The following ADARB2 variants were observed in gnomAD, a reference collection of about 807,000 sequenced individuals.
ADARB2 encodes the protein adenosine deaminase RNA specific B2 (inactive).
ADARB2 carries 25 observed loss-of-function variants against 62.2 expected under a neutral mutation model. The observed-to-expected ratio is 0.40, with a 90% CI of 0.29 to 0.56. ADARB2 has a LOEUF of 0.56. ADARB2 is among the 20% of genes least tolerant of loss of function. The pLI, the probability that ADARB2 is intolerant of heterozygous loss-of-function variation, is 0.43. For synonymous variants in ADARB2, 572 were observed against 500.8 expected (o/e 1.14, Z -1.90); for missense variants, 1,071 against 1,077.4 (o/e 0.99, Z 0.08).
rs1022081752 is a variant in ADARB2 at position 1,676,302 on chromosome 10, G to C, written c.100+60749C>G. 3.3e-5 allele frequency among the ~76,000 whole-genome samples: 5 copies of C among 151,972 alleles called. No homozygotes were observed. In the South Asian group the frequency reaches 6.3e-4, roughly 19 times the overall value. ...CTCACAGACCCAAGGGCCTCTAGACGCCCCCACCCAGAACTGCTGAGTGAA... is the reference window on the plus strand; with the variant it reads ...CTCACAGACCCAAGGGCCTCTAGACCCCCCCACCCAGAACTGCTGAGTGAA... On this transcript the variant is annotated intron_variant, in intron 1 of 9. Transcript: ENST00000381312.
intron 1 of ADARB2, among the ~76,000 whole-genome samples, chr10:1,406,870 TG>T (rs1184466522): frequency 2.0e-5 from 3 of 152,004 alleles, no homozygotes; most frequent in Non-Finnish European, 2.9e-5. Context: ...AGATGATGAA[TG>T]GGGGGAGTGG....
intron 1 of ADARB2, among the ~76,000 whole-genome samples, chr10:1,570,444 ACGGG>A (rs1358831888): frequency 5.3e-5 from 4 of 75,554 alleles, no homozygotes; most frequent in Non-Finnish European, 1.2e-4. Flanking sequence ...GGGAAGCAGG[ACGGG>A]CAGGCACCAT....
chr10:1,450,956 A>C (rs1165532306), intron 1 of ADARB2, among the ~76,000 whole-genome samples: 10 of 152,176 alleles, frequency 6.6e-5, no homozygotes, highest in Admixed American at 6.5e-4. Context: ...GCTGTCAGGG[A>C]GCTCCTGCGA....
chr10:1,252,506 A>G (rs1027353726), intron 4 of ADARB2, among the ~76,000 whole-genome samples: 2 of 152,134 alleles, frequency 1.3e-5, no homozygotes, highest in Non-Finnish European at 2.9e-5. Context: ...ATTTCAGTCC[A>G]CTTCCCAGAC....
intron 1 of ADARB2, among the ~76,000 whole-genome samples, chr10:1,645,519 T>C (rs1185849367): frequency 6.6e-6 from 1 of 152,208 alleles, no homozygotes; most frequent in Non-Finnish European, 1.5e-5. Flanking sequence ...AGAAGCAGCA[T>C]CCACTTAAAG....
chr10:1,302,440 G>A (rs1319593608), intron 3 of ADARB2, among the ~76,000 whole-genome samples: 4 of 152,314 alleles, frequency 2.6e-5, no homozygotes, highest in Middle Eastern at 3.4e-3. Context: ...AGGCGGCAGC[G>A]AGCCTGGGGG....
chr10:1,469,002 T>C (rs188605688), intron 1 of ADARB2, among the ~76,000 whole-genome samples: 4 of 152,334 alleles, frequency 2.6e-5, no homozygotes, highest in African/African-American at 9.6e-5. Flanking sequence ...GGTCCCCTGA[T>C]TGCTACCACG....
chr10:1,714,430 T>C (rs1373539632), intron 1 of ADARB2, among the ~76,000 whole-genome samples: 1 of 152,256 alleles, frequency 6.6e-6, no homozygotes, highest in East Asian at 1.9e-4. Flanking sequence ...CATGAAGCCT[T>C]TACTTCATTG....
chr10:1,598,626 C>T (rs1833367450), intron 1 of ADARB2, among the ~76,000 whole-genome samples: 1 of 152,170 alleles, frequency 6.6e-6, no homozygotes. Flanking sequence ...AAGATCCTGA[C>T]AGCAAGCCCC....
At chr10:1,320,046 C>A (rs114503969) in intron 3 of ADARB2, among the ~76,000 whole-genome samples, 2 of 152,202 alleles carry the variant, frequency 1.3e-5, no homozygotes, top group African/African-American at 4.8e-5. Context: ...GTAGACCAGG[C>A]CTCAGCTCAC....
At chr10:1,611,362 G>C (rs1017914653) in intron 1 of ADARB2, among the ~76,000 whole-genome samples, 2 of 152,208 alleles carry the variant, frequency 1.3e-5, no homozygotes, top group African/African-American at 4.8e-5. Flanking sequence ...AATAATTTAA[G>C]ACACTAAGAC....
chr10:1,574,437 G>T (rs1832983210), intron 1 of ADARB2, among the ~76,000 whole-genome samples: 1 of 152,204 alleles, frequency 6.6e-6, no homozygotes, highest in African/African-American at 2.4e-5. Context: ...AGTGGCACAA[G>T]TCTTCTTAGA....
intron 1 of ADARB2, among the ~76,000 whole-genome samples, chr10:1,712,898 A>C (rs578168559): frequency 2.6e-5 from 4 of 152,174 alleles, no homozygotes; most frequent in South Asian, 4.1e-4. Flanking sequence ...CGTGAGCCAC[A>C]GCACCCGGCC....
chr10:1,674,229 C>A (rs1374241123), intron 1 of ADARB2, among the ~76,000 whole-genome samples: 5 of 152,204 alleles, frequency 3.3e-5, no homozygotes, highest in African/African-American at 2.4e-5. Flanking sequence ...TTTTTTAAAG[C>A]CTCCAACCCC....
At chr10:1,660,002 A>G (rs1254712163) in intron 1 of ADARB2, among the ~76,000 whole-genome samples, 3 of 150,266 alleles carry the variant, frequency 2.0e-5, no homozygotes, top group Admixed American at 6.6e-5. Flanking sequence ...CCTCTCCTCC[A>G]CTGTCCTGTG....
intron 1 of ADARB2, among the ~76,000 whole-genome samples, chr10:1,727,142 A>C (rs1479755567): frequency 1.3e-5 from 2 of 152,238 alleles, no homozygotes; most frequent in Non-Finnish European, 2.9e-5. Context: ...TAAATCTGAT[A>C]ATAAATTCTA....
intron 3 of ADARB2, among the ~76,000 whole-genome samples, chr10:1,333,519 T>C (rs1041025043): frequency 6.6e-6 from 1 of 152,170 alleles, no homozygotes. Context: ...TTGAGGGTAT[T>C]TTTTAGTCTC....
intron 1 of ADARB2, among the ~76,000 whole-genome samples, chr10:1,641,161 C>T (rs1264654846): frequency 6.6e-6 from 1 of 152,156 alleles, no homozygotes; most frequent in East Asian, 1.9e-4. Context: ...AAGGGTGGAT[C>T]TCATTATATT....
chr10:1,295,691 C>T (rs1156531367), intron 3 of ADARB2, among the ~76,000 whole-genome samples: 1 of 151,752 alleles, frequency 6.6e-6, no homozygotes, highest in Non-Finnish European at 1.5e-5. Flanking sequence ...TGAAGGGTCT[C>T]ATTAAGAATT....
Sources: gnomAD v4.1 joint callset for allele counts (sites outside exome capture counted in the v4.1 genomes callset) on GRCh38, gnomAD v4.1.1 for gene constraint, MANE v1.5 for transcripts, NCBI Gene and HGNC (gene_info 2026-07-23, HGNC 2026-07-21) for gene names.